CTNNA2: variants seen among roughly 807,000 people sequenced by gnomAD.
CTNNA2 encodes the protein catenin alpha-2.
A neutral mutation model predicts 101.0 loss-of-function variants in CTNNA2; 42 were observed. The ratio of observed to expected loss-of-function variants is 0.42; its 90% CI spans 0.32 to 0.54. CTNNA2 has a LOEUF of 0.54. Among genes scored for constraint, CTNNA2 ranks in the 20% least tolerant of loss-of-function variants. The probability of loss-of-function intolerance (pLI) is 0.14; values close to 1 mark genes in which losing one functional copy is unlikely to be tolerated. For synonymous variants in CTNNA2, 450 were observed against 456.4 expected (o/e 0.99, Z 0.18); for missense variants, 871 against 1,223.1 (o/e 0.71, Z 4.29).
At chr2:80,421,107 G>C (rs748733230) in intron 9 of CTNNA2, among the ~76,000 whole-genome samples, 1 of 152,110 alleles carries the variant, frequency 6.6e-6, no homozygotes, top group South Asian at 2.1e-4. Context: ...AGGGGAAGGC[G>C]GAGAAGGAGG....
chr2:79,468,652 A>G lies in CTNNA2; in HGVS notation c.-134-36402A>G, dbSNP rs9789509. Among the ~76,000 whole-genome samples, 1,631 of 152,332 alleles carry G rather than the reference A, an allele frequency of 0.011. 78 individuals carry two copies. In the East Asian group the frequency reaches 0.13, roughly 12 times the overall value. ...AAGTAAAGCACTCCTCAGCAAATGTAAAAGAACAGAAATTATAACAAACTG... is the reference window on the plus strand; with the variant it reads ...AAGTAAAGCACTCCTCAGCAAATGTGAAAGAACAGAAATTATAACAAACTG... On this transcript the variant is annotated intron_variant, in intron 4 of 21. Transcript: ENST00000466387.
At chr2:80,014,317 G>A (rs1047149494) in intron 7 of CTNNA2, among the ~76,000 whole-genome samples, 1 of 151,926 alleles carries the variant, frequency 6.6e-6, no homozygotes, top group Non-Finnish European at 1.5e-5. Context: ...GTGGTAAAGG[G>A]CATGGTTCCG....
chr2:80,350,235 A>C (rs11893305), intron 7 of CTNNA2, among the ~76,000 whole-genome samples: 59,752 of 151,990 alleles, frequency 0.39, 14,318 homozygotes, highest in African/African-American at 0.68. Context: ...TTGGCCCTGA[A>C]CACTAAATGC....
intron 4 of CTNNA2, among the ~76,000 whole-genome samples, chr2:79,468,335 G>A (rs368913436): frequency 2.6e-5 from 4 of 152,080 alleles, no homozygotes; most frequent in Admixed American, 6.6e-5. Context: ...CTAACTATCC[G>A]AAATATATAT....
intron 2 of CTNNA2, among the ~76,000 whole-genome samples, chr2:79,742,846 A>G (rs1448567237): frequency 6.6e-6 from 1 of 152,236 alleles, no homozygotes; most frequent in Non-Finnish European, 1.5e-5. Context: ...AGCAATCAAA[A>G]GAGAGCCGAA....
chr2:79,382,896 G>A (rs769446322), intron 4 of CTNNA2, among the ~76,000 whole-genome samples: 2 of 152,148 alleles, frequency 1.3e-5, no homozygotes, highest in African/African-American at 2.4e-5. Flanking sequence ...TTACAGGCGT[G>A]AGCCACCACG....
chr2:80,182,429 T>C (rs561895443), intron 7 of CTNNA2, among the ~76,000 whole-genome samples: 4 of 152,312 alleles, frequency 2.6e-5, no homozygotes, highest in Admixed American at 1.3e-4. Context: ...GACTCAAGTA[T>C]TAATCTCCTT....
intron 3 of CTNNA2, among the ~76,000 whole-genome samples, chr2:79,818,458 G>A (rs761054481): frequency 2.6e-5 from 4 of 151,090 alleles, no homozygotes; most frequent in Admixed American, 2.0e-4. Flanking sequence ...GATTACAGGC[G>A]CCCGCCACCA....
intron 1 of CTNNA2, among the ~76,000 whole-genome samples, chr2:79,577,902 C>T (rs532664615): frequency 6.6e-6 from 1 of 152,196 alleles, no homozygotes; most frequent in East Asian, 1.9e-4. Context: ...TAATCCAATA[C>T]CTTTACTGAA....
intron 1 of CTNNA2, among the ~76,000 whole-genome samples, chr2:79,607,112 G>A (rs1008100920): frequency 6.6e-6 from 1 of 151,986 alleles, no homozygotes; most frequent in African/African-American, 2.4e-5. Context: ...TAACACCAAA[G>A]GAAAATTGGA....
intron 7 of CTNNA2, among the ~76,000 whole-genome samples, chr2:79,973,006 T>G (rs1419656367): frequency 6.6e-6 from 1 of 152,132 alleles, no homozygotes; most frequent in African/African-American, 2.4e-5. Context: ...TTTGGGAAAC[T>G]TTCCCATTTC....
intron 7 of CTNNA2, chr2:80,288,960 C>T (rs1455164449): frequency 2.6e-5 from 4 of 152,030 alleles, no homozygotes; most frequent in South Asian, 4.2e-4. Context: ...TCTCATGGGC[C>T]GACAGATATG....
chr2:79,898,816 T>G (rs58950218), intron 6 of CTNNA2, among the ~76,000 whole-genome samples: 26,163 of 152,022 alleles, frequency 0.17, 2,466 homozygotes, highest in Non-Finnish European at 0.21. Flanking sequence ...GCCAGCTTCT[T>G]AGAGGGTCGG....
chr2:79,294,012 C>T (rs1675901476), intron 2 of CTNNA2, among the ~76,000 whole-genome samples: 1 of 151,950 alleles, frequency 6.6e-6, no homozygotes, highest in Non-Finnish European at 1.5e-5. Flanking sequence ...CTGTCTTAGT[C>T]CGCTTGGTCT....
intron 2 of CTNNA2, among the ~76,000 whole-genome samples, chr2:79,253,518 C>T (rs1276254955): frequency 6.6e-6 from 1 of 152,138 alleles, no homozygotes; most frequent in Non-Finnish European, 1.5e-5. Context: ...TTTCAAACAG[C>T]TTGACTTATA....
chr2:79,424,217 T>G (rs887361966), intron 4 of CTNNA2, among the ~76,000 whole-genome samples: 1 of 152,156 alleles, frequency 6.6e-6, no homozygotes, highest in Non-Finnish European at 1.5e-5. Flanking sequence ...CGTAACCTCA[T>G]GCCTACGATA....
intron 7 of CTNNA2, among the ~76,000 whole-genome samples, chr2:80,009,757 AG>A (rs1225517798): frequency 1.1e-4 from 4 of 35,954 alleles, no homozygotes; most frequent in African/African-American, 2.0e-4. Context: ...TGTGTCAGAG[AG>A]AGAGACAGAG....
intron 18 of CTNNA2, among the ~76,000 whole-genome samples, chr2:80,626,718 T>C (rs1211716251): frequency 2.6e-5 from 4 of 152,118 alleles, no homozygotes; most frequent in African/African-American, 2.4e-5. Flanking sequence ...ATCTATTCTT[T>C]TTTTTAATTA....
At chr2:79,402,976 G>T (rs1378329977) in intron 4 of CTNNA2, among the ~76,000 whole-genome samples, 1 of 151,684 alleles carries the variant, frequency 6.6e-6, no homozygotes, top group African/African-American at 2.4e-5. Context: ...GTACTTAGAA[G>T]ATAATTTATA....
Sources: gnomAD v4.1 joint callset for allele counts (sites outside exome capture counted in the v4.1 genomes callset) on GRCh38, gnomAD v4.1.1 for gene constraint, MANE v1.5 for transcripts, NCBI Gene and HGNC (gene_info 2026-07-23, HGNC 2026-07-21) for gene names.